Variants in CAMTA1 observed in about 807,000 individuals in gnomAD.
The protein encoded by CAMTA1 is calmodulin-binding transcription activator 1.
Under a neutral mutation model 170.9 loss-of-function variants are expected in CAMTA1, and 27 were observed. The observed-to-expected ratio is 0.16, with a 90% CI of 0.12 to 0.22. The LOEUF is 0.22. Among genes scored for constraint, CAMTA1 ranks in the 10% least tolerant of loss-of-function variants. The pLI is 1.00. For synonymous variants in CAMTA1, 833 were observed against 891.5 expected (o/e 0.93, Z 1.17); for missense variants, 1,619 against 2,217.2 (o/e 0.73, Z 5.42).
At chr1:7,662,661 C>T (rs903826981) in intron 8 of CAMTA1, among the ~76,000 whole-genome samples, 1 of 152,190 alleles carries the variant, frequency 6.6e-6, no homozygotes, top group Non-Finnish European at 1.5e-5. Context: ...GAGGCTTGTA[C>T]GTCTGAAATG....
At chr1:6,979,921 T>A (rs542519003) in intron 3 of CAMTA1, among the ~76,000 whole-genome samples, 6 of 152,342 alleles carry the variant, frequency 3.9e-5, no homozygotes, top group Non-Finnish European at 8.8e-5. Flanking sequence ...CACAGCTGTT[T>A]GAGGGCTCAG....
intron 5 of CAMTA1, among the ~76,000 whole-genome samples, chr1:7,315,525 C>T (rs12405371): frequency 0.16 from 24,113 of 152,176 alleles, 2,517 homozygotes; most frequent in Non-Finnish European, 0.21. Flanking sequence ...GCTGGGTCAA[C>T]ATGGACAACT....
chr1:7,150,738 G>A (rs1268522950), intron 4 of CAMTA1, among the ~76,000 whole-genome samples: 1 of 152,114 alleles, frequency 6.6e-6, no homozygotes, highest in African/African-American at 2.4e-5. Context: ...CGCGCAGGAC[G>A]TGGAACCCTG....
At chr1:7,192,375 C>T (rs192534579) in intron 4 of CAMTA1, among the ~76,000 whole-genome samples, 1 of 152,352 alleles carries the variant, frequency 6.6e-6, no homozygotes, top group Non-Finnish European at 1.5e-5. Flanking sequence ...TCATCACTGG[C>T]AGCTGCGGAG....
rs376763477 is a variant in CAMTA1 at position 7,732,957 on chromosome 1, G to T, written c.3066+358G>T. On this transcript the variant is annotated intron_variant, in intron 12 of 22. Coordinates refer to ENST00000303635, the MANE Select transcript of CAMTA1 (RefSeq NM_015215.4). The surrounding 1 kb of genome is among the most constrained non-coding windows in gnomAD (Gnocchi z 4.1). ...GCCTATAATCCCAGCGCTGTAGGAG[G>T]CCAAGACGGGAGGATTGCTTGAGCC... Among the ~76,000 whole-genome samples, 15 of 152,298 alleles carry T rather than the reference G, an allele frequency of 9.8e-5. No homozygotes were observed. Among genetic ancestry groups the T allele is most frequent in the East Asian group, 3.9e-4 (2 of 5,188 alleles).
chr1:7,146,016 A>G lies in CAMTA1; in HGVS notation c.302+54645A>G, dbSNP rs1311947863. ...CTCAACCGTCTAGGTGGTGGCATGC[A>G]TGAATGATAGCTTCTATTTACTGAA... is the stretch of plus-strand genomic sequence containing the variant. On this transcript the variant is annotated intron_variant, in intron 4 of 22. Transcript: ENST00000303635. The surrounding 1 kb of genome is among the most constrained non-coding windows in gnomAD (Gnocchi z 4.3). Among the ~76,000 whole-genome samples the G allele has an allele frequency of 6.6e-6, 1 of 152,184 alleles. No homozygotes were observed.
intron 6 of CAMTA1, among the ~76,000 whole-genome samples, chr1:7,492,958 T>C (rs1007562767): frequency 1.9e-5 from 2 of 102,716 alleles, no homozygotes; most frequent in Admixed American, 1.0e-4. Context: ...AACACAGACT[T>C]ACATACACAT....
At chr1:7,307,717 G>A (rs180750219) in intron 5 of CAMTA1, among the ~76,000 whole-genome samples, 28 of 152,112 alleles carry the variant, frequency 1.8e-4, no homozygotes, top group Middle Eastern at 3.4e-3. Context: ...TTTGGCCATA[G>A]TATATTCTTC....
intron 4 of CAMTA1, among the ~76,000 whole-genome samples, chr1:7,102,591 G>A (rs550496802): frequency 2.0e-5 from 3 of 152,282 alleles, no homozygotes; most frequent in East Asian, 1.9e-4. Context: ...AAATGTATGC[G>A]CAAGGATGGA....
chr1:7,583,167 C>T (rs11120980), intron 6 of CAMTA1, among the ~76,000 whole-genome samples: 5,061 of 152,146 alleles, frequency 0.033, 268 homozygotes, highest in African/African-American at 0.11. Flanking sequence ...AAGGGGATCC[C>T]TTCCCCAACC....
chr1:7,688,239 A>G (rs1188128174), intron 11 of CAMTA1, among the ~76,000 whole-genome samples: 2 of 151,886 alleles, frequency 1.3e-5, no homozygotes, highest in Admixed American at 6.6e-5. Flanking sequence ...TCCTGACCTT[A>G]AGTGATCCAC....
At chr1:7,621,045 TA>T in intron 6 of CAMTA1, among the ~76,000 whole-genome samples, 1 of 151,420 alleles carries the variant, frequency 6.6e-6, no homozygotes, top group African/African-American at 2.4e-5. Flanking sequence ...GTCAGGGGAG[TA>T]ATCCATCAAT....
chr1:6,895,927 C>A (rs1352160637), intron 3 of CAMTA1, among the ~76,000 whole-genome samples: 2 of 152,158 alleles, frequency 1.3e-5, no homozygotes, highest in African/African-American at 4.8e-5. Flanking sequence ...CCTATTAGCT[C>A]TTTTAGGGCA....
intron 3 of CAMTA1, among the ~76,000 whole-genome samples, chr1:6,942,913 A>C (rs918452245): frequency 3.3e-5 from 5 of 152,180 alleles, no homozygotes; most frequent in African/African-American, 4.8e-5. Context: ...GCCCCTGGGC[A>C]GTCTGCTCTG....
chr1:7,467,571 C>T (rs1478535442), intron 5 of CAMTA1, among the ~76,000 whole-genome samples: 10 of 152,206 alleles, frequency 6.6e-5, no homozygotes, highest in Non-Finnish European at 1.3e-4. Flanking sequence ...CCTGGGTTCT[C>T]GACGCCTCTA....
chr1:6,947,602 T>G (rs1012841500), intron 3 of CAMTA1, among the ~76,000 whole-genome samples: 1 of 151,832 alleles, frequency 6.6e-6, no homozygotes, highest in African/African-American at 2.4e-5. Context: ...AGGCTGGTCT[T>G]GAACTCCTGA....
At chr1:6,976,808 C>T (rs1693510889) in intron 3 of CAMTA1, among the ~76,000 whole-genome samples, 1 of 152,298 alleles carries the variant, frequency 6.6e-6, no homozygotes, top group Non-Finnish European at 1.5e-5. Context: ...AATTGTAACT[C>T]CCATAATTCC....
intron 3 of CAMTA1, among the ~76,000 whole-genome samples, chr1:6,858,747 G>A (rs553565461): frequency 6.6e-6 from 1 of 152,134 alleles, no homozygotes; most frequent in Admixed American, 6.5e-5. Flanking sequence ...TCCTCTATTT[G>A]CTGAGTCTTA....
intron 6 of CAMTA1, among the ~76,000 whole-genome samples, chr1:7,636,197 A>G (rs1325115653): frequency 6.6e-6 from 1 of 151,936 alleles, no homozygotes; most frequent in Non-Finnish European, 1.5e-5. Flanking sequence ...TGAAAGGGGT[A>G]GATCTGGATG....
Sources: gnomAD v4.1 joint callset for allele counts (sites outside exome capture counted in the v4.1 genomes callset) on GRCh38, gnomAD v4.1.1 for gene constraint, Gnocchi (gnomAD v3.1) non-coding constraint, MANE v1.5 for transcripts, NCBI Gene and HGNC (gene_info 2026-07-23, HGNC 2026-07-21) for gene names.